IMMP2L: variants seen among roughly 807,000 people sequenced by gnomAD.
IMMP2L encodes the protein mitochondrial inner membrane protease subunit 2.
Under a neutral mutation model 19.3 loss-of-function variants are expected in IMMP2L, and 18 were observed. The observed-to-expected ratio is 0.93, with a 90% CI of 0.64 to 1.38. The LOEUF (loss-of-function observed/expected upper bound fraction) is 1.38. Among genes scored for constraint, IMMP2L ranks in the 40% most tolerant of loss-of-function variants. The pLI, the probability that IMMP2L is intolerant of heterozygous loss-of-function variation, is 0.00. For missense variants in IMMP2L, 233 were observed against 218.2 expected (o/e 1.07, Z -0.43); for synonymous variants, 76 against 73.0 (o/e 1.04, Z -0.21).
intron 2 of IMMP2L, among the ~76,000 whole-genome samples, chr7:111,512,564 A>G (rs947397257): frequency 2.0e-5 from 3 of 152,096 alleles, no homozygotes; most frequent in Admixed American, 1.3e-4. Context: ...CAATTGCACT[A>G]TCTTTAAAAC....
chr7:111,054,222 A>G (rs897342311), intron 3 of IMMP2L, among the ~76,000 whole-genome samples: 3 of 152,240 alleles, frequency 2.0e-5, no homozygotes, highest in African/African-American at 7.2e-5. Context: ...TTTCAAAAAA[A>G]TCTATGCCAC....
At position 111,168,306 on chromosome 7, in the gene IMMP2L, C is replaced by G. The variant is rs1310978797; in HGVS notation, c.240-204741G>C. ...GTTTTTTTTTTCTACAGACCTGAAC[C>G]TTTGCTTTTATTTGAGCATTCTAAA... On this transcript the variant is annotated intron_variant, in intron 3 of 5. Transcript: ENST00000405709. Among the ~76,000 whole-genome samples, 4 of 151,452 alleles carry G rather than the reference C, an allele frequency of 2.6e-5. 1 individual carries two copies. Among genetic ancestry groups the G allele is most frequent in the African/African-American group, 9.7e-5 (4 of 41,230 alleles).
intron 3 of IMMP2L, among the ~76,000 whole-genome samples, chr7:111,185,315 A>G (rs1808147125): frequency 6.6e-6 from 1 of 152,126 alleles, no homozygotes. Flanking sequence ...TGTGTGTGTT[A>G]ATGAGACCCT....
intron 3 of IMMP2L, among the ~76,000 whole-genome samples, chr7:111,173,804 T>C (rs1183714047): frequency 6.6e-6 from 1 of 151,556 alleles, no homozygotes; most frequent in African/African-American, 2.4e-5. Context: ...ATCCAGAAAA[T>C]GTAGATAAAA....
At chr7:111,308,328 G>A (rs1563040408) in intron 3 of IMMP2L, among the ~76,000 whole-genome samples, 1 of 151,926 alleles carries the variant, frequency 6.6e-6, no homozygotes, top group Non-Finnish European at 1.5e-5. Context: ...TTTATTTGGT[G>A]CATTTGAGAA....
chr7:111,390,170 C>T (rs924189861), intron 3 of IMMP2L, among the ~76,000 whole-genome samples: 8 of 152,128 alleles, frequency 5.3e-5, no homozygotes, highest in African/African-American at 1.9e-4. Context: ...GCCACAGCTG[C>T]AGAGAACCGC....
At chr7:111,160,678 T>A (rs1208124832) in intron 3 of IMMP2L, among the ~76,000 whole-genome samples, 1 of 150,664 alleles carries the variant, frequency 6.6e-6, no homozygotes, top group Non-Finnish European at 1.5e-5. Context: ...AAAATAAAGG[T>A]AATTGAAAAT....
At chr7:111,102,514 T>A (rs1464583782) in intron 3 of IMMP2L, among the ~76,000 whole-genome samples, 1 of 151,608 alleles carries the variant, frequency 6.6e-6, no homozygotes, top group Non-Finnish European at 1.5e-5. Flanking sequence ...AACATGTTAA[T>A]TACTTGAGTC....
intron 3 of IMMP2L, among the ~76,000 whole-genome samples, chr7:111,397,080 T>G (rs1359322376): frequency 1.3e-5 from 2 of 151,616 alleles, no homozygotes; most frequent in African/African-American, 4.8e-5. Context: ...AGAGCGAGAC[T>G]CTATCTCAAA....
At chr7:110,991,714 C>G (rs1042120965) in intron 3 of IMMP2L, among the ~76,000 whole-genome samples, 1 of 152,180 alleles carries the variant, frequency 6.6e-6, no homozygotes, top group East Asian at 1.9e-4. Flanking sequence ...AGTAACCCCA[C>G]AGTGGTTACT....
chr7:110,704,276 A>G (rs1279248629), intron 5 of IMMP2L, among the ~76,000 whole-genome samples: 3 of 152,208 alleles, frequency 2.0e-5, no homozygotes, highest in African/African-American at 7.2e-5. Context: ...CAACCTCCAG[A>G]TTGCTGAATA....
intron 3 of IMMP2L, among the ~76,000 whole-genome samples, chr7:111,301,921 TA>T (rs59156229): frequency 4.9e-3 from 404 of 83,138 alleles, no homozygotes; most frequent in South Asian, 0.015. Flanking sequence ...TTTCATGCTT[TA>T]AAAAAAAAAA....
intron 5 of IMMP2L, among the ~76,000 whole-genome samples, chr7:110,739,531 G>A (rs1161000724): frequency 6.6e-6 from 1 of 152,084 alleles, no homozygotes; most frequent in Non-Finnish European, 1.5e-5. Flanking sequence ...AAATATATAT[G>A]CACCTAATAC....
At chr7:111,190,897 C>T (rs1167135714) in intron 3 of IMMP2L, among the ~76,000 whole-genome samples, 1 of 152,026 alleles carries the variant, frequency 6.6e-6, no homozygotes, top group African/African-American at 2.4e-5. Flanking sequence ...AGAGCTGGTG[C>T]CACAAATTTA....
At chr7:111,131,456 G>A (rs1488362228) in intron 3 of IMMP2L, among the ~76,000 whole-genome samples, 1 of 151,842 alleles carries the variant, frequency 6.6e-6, no homozygotes, top group African/African-American at 2.4e-5. Flanking sequence ...AATTAAGAAG[G>A]AAGGAAAAAG....
At chr7:111,101,607 G>A (rs1371867028) in intron 3 of IMMP2L, among the ~76,000 whole-genome samples, 1 of 151,228 alleles carries the variant, frequency 6.6e-6, no homozygotes, top group Non-Finnish European at 1.5e-5. Flanking sequence ...GGTACAACAG[G>A]TACAATAGGT....
chr7:110,771,414 AG>A (rs932866680), intron 5 of IMMP2L, among the ~76,000 whole-genome samples: 13 of 152,258 alleles, frequency 8.5e-5, no homozygotes, highest in African/African-American at 2.9e-4. Flanking sequence ...ACAAATGAAA[AG>A]GACCTTGGCA....
intron 3 of IMMP2L, among the ~76,000 whole-genome samples, chr7:111,250,238 T>C (rs37729): frequency 0.1 from 15,803 of 152,114 alleles, 1,061 homozygotes; most frequent in African/African-American, 0.18. Flanking sequence ...TACAAACCAC[T>C]GCTCCAAGAA....
intron 1 of IMMP2L, 144 bp from the exon 2 acceptor site, chr7:111,521,593 G>C (rs555253395): frequency 1.7e-5 from 10 of 595,174 alleles, no homozygotes; most frequent in Non-Finnish European, 2.4e-5. Context: ...GTAACCATTA[G>C]AATAAATCTG....
Sources: allele counts gnomAD v4.1 joint callset (sites outside exome capture counted in the v4.1 genomes callset), GRCh38; gene constraint gnomAD v4.1.1; transcripts MANE v1.5; gene names NCBI Gene and HGNC (gene_info 2026-07-23, HGNC 2026-07-21).